Variants in SPAG16 observed in about 807,000 individuals in gnomAD.
SPAG16 encodes sperm associated antigen 16, also known as sperm-associated antigen 16 protein.
Under a neutral mutation model 80.4 loss-of-function variants are expected in SPAG16, and 86 were observed. The observed-to-expected ratio is 1.07, with a 90% CI of 0.90 to 1.28. The LOEUF (loss-of-function observed/expected upper bound fraction) is 1.28. Among genes scored for constraint, SPAG16 ranks in the 50% most tolerant of loss-of-function variants. The pLI is 0.00. For missense variants in SPAG16, 870 were observed against 765.3 expected (o/e 1.14, Z -1.61); for synonymous variants, 294 against 265.9 (o/e 1.11, Z -1.03).
intron 10 of SPAG16, among the ~76,000 whole-genome samples, chr2:213,760,195 A>T (rs1426172543): frequency 6.6e-6 from 1 of 152,224 alleles, no homozygotes; most frequent in Non-Finnish European, 1.5e-5. Flanking sequence ...CTCATTTTAG[A>T]TCCAAAGATG....
intron 15 of SPAG16, among the ~76,000 whole-genome samples, chr2:214,319,529 A>G (rs759195008): frequency 4.8e-4 from 73 of 151,834 alleles, no homozygotes; most frequent in Non-Finnish European, 1.0e-3. Flanking sequence ...CTATAATAGG[A>G]ATTAATGAAG....
chr2:214,149,077 GTATATATA>G (rs1553515469), intron 14 of SPAG16, 55 bp from the exon 15 acceptor site: 7 of 240,206 alleles, frequency 2.9e-5, no homozygotes, highest in East Asian at 1.5e-4. Flanking sequence ...GTGTGTGTGT[GTATATATA>G]TATATATATA....
intron 10 of SPAG16, among the ~76,000 whole-genome samples, chr2:213,612,585 T>C (rs200871764): frequency 2.6e-5 from 4 of 152,256 alleles, no homozygotes; most frequent in African/African-American, 7.2e-5. Flanking sequence ...TCAAAAATCA[T>C]AAAATCAACC....
chr2:213,646,074 C>T (rs975421156), intron 10 of SPAG16, among the ~76,000 whole-genome samples: 1 of 152,174 alleles, frequency 6.6e-6, no homozygotes, highest in Admixed American at 6.5e-5. Flanking sequence ...GTGCTCTCCC[C>T]ACTACTCTGC....
chr2:213,834,808 G>T (rs1004484798), intron 10 of SPAG16, among the ~76,000 whole-genome samples: 7 of 152,158 alleles, frequency 4.6e-5, no homozygotes, highest in African/African-American at 1.4e-4. Flanking sequence ...AGAAAAAATT[G>T]TTATTTAAAT....
chr2:214,163,169 T>C (rs1229785606), intron 15 of SPAG16, among the ~76,000 whole-genome samples: 1 of 152,092 alleles, frequency 6.6e-6, no homozygotes, highest in Admixed American at 6.6e-5. Context: ...TACATATATA[T>C]GAATAATCAT....
intron 9 of SPAG16, among the ~76,000 whole-genome samples, chr2:213,394,406 ATATG>A (rs2067931115): frequency 6.6e-6 from 1 of 152,178 alleles, no homozygotes; most frequent in African/African-American, 2.4e-5. Context: ...ATTCACATAC[ATATG>A]TAAGATATAA....
intron 15 of SPAG16, among the ~76,000 whole-genome samples, chr2:214,383,956 A>G (rs1017978194): frequency 3.3e-5 from 5 of 152,210 alleles, no homozygotes; most frequent in Non-Finnish European, 5.9e-5. Flanking sequence ...AACTTTGCCC[A>G]TCAGCCTGTT....
intron 13 of SPAG16, among the ~76,000 whole-genome samples, chr2:214,042,237 A>G (rs1356181993): frequency 1.3e-5 from 2 of 151,378 alleles, no homozygotes; most frequent in African/African-American, 4.8e-5. Flanking sequence ...GGGATTACAG[A>G]CGTGCATCAC....
At chr2:213,435,888 C>T (rs2070609273) in intron 9 of SPAG16, among the ~76,000 whole-genome samples, 1 of 152,102 alleles carries the variant, frequency 6.6e-6, no homozygotes, top group Non-Finnish European at 1.5e-5. Flanking sequence ...GTACTACTTG[C>T]TATCTATATA....
At chr2:213,606,843 G>C (rs542386463) in intron 10 of SPAG16, among the ~76,000 whole-genome samples, 1 of 152,292 alleles carries the variant, frequency 6.6e-6, no homozygotes, top group South Asian at 2.1e-4. Flanking sequence ...CTGCACTACA[G>C]TCCTACCATC....
chr2:213,969,164 T>C (rs1266472936), intron 12 of SPAG16, among the ~76,000 whole-genome samples: 2 of 152,182 alleles, frequency 1.3e-5, no homozygotes, highest in East Asian at 3.8e-4. Flanking sequence ...AAAGACATGG[T>C]AGAAAATGAG....
intron 9 of SPAG16, among the ~76,000 whole-genome samples, chr2:213,443,341 A>G (rs755683747): frequency 1.3e-5 from 2 of 152,044 alleles, no homozygotes; most frequent in Non-Finnish European, 2.9e-5. Flanking sequence ...CCACCATTGT[A>G]TTCTCTGTTT....
chr2:214,157,510 A>G (rs1354633155), intron 15 of SPAG16, among the ~76,000 whole-genome samples: 2 of 152,108 alleles, frequency 1.3e-5, no homozygotes, highest in Non-Finnish European at 2.9e-5. Flanking sequence ...ATTAATAATA[A>G]TGGGGACACC....
chr2:213,341,721 G>A (rs1013867534), intron 6 of SPAG16, among the ~76,000 whole-genome samples: 7 of 151,900 alleles, frequency 4.6e-5, no homozygotes. Flanking sequence ...TAATTTTTTT[G>A]TAGTGATGGG....
chr2:213,583,819 C>T (rs1332310118), intron 10 of SPAG16, among the ~76,000 whole-genome samples: 1 of 152,080 alleles, frequency 6.6e-6, no homozygotes, highest in Admixed American at 6.5e-5. Context: ...GTTGGAAAAT[C>T]TGGATTTCTA....
At chr2:213,503,000 ACT>A (rs1274594728) in intron 10 of SPAG16, among the ~76,000 whole-genome samples, 1 of 152,098 alleles carries the variant, frequency 6.6e-6, no homozygotes, top group African/African-American at 2.4e-5. Flanking sequence ...AGTTTTAAAG[ACT>A]CTTCTTAATA....
At chr2:213,705,483 G>A (rs1346968008) in intron 10 of SPAG16, among the ~76,000 whole-genome samples, 1 of 152,064 alleles carries the variant, frequency 6.6e-6, no homozygotes, top group Non-Finnish European at 1.5e-5. Context: ...AGAGGGAGCT[G>A]GAGGTAGAAA....
chr2:214,191,040 A>G (rs1372466072), intron 15 of SPAG16, among the ~76,000 whole-genome samples: 1 of 152,142 alleles, frequency 6.6e-6, no homozygotes. Context: ...CAGTCTGCCA[A>G]ATCAGGCTTA....
Sources: gnomAD v4.1 joint callset for allele counts (sites outside exome capture counted in the v4.1 genomes callset) on GRCh38, gnomAD v4.1.1 for gene constraint, MANE v1.5 for transcripts, NCBI Gene and HGNC (gene_info 2026-07-23, HGNC 2026-07-21) for gene names.